Variants in C8orf90 observed in about 807,000 individuals in gnomAD.
The protein encoded by C8orf90 is chromosome 8 open reading frame 90, also known as uncharacterized protein C8orf90.
the C8orf90 span, among the ~76,000 whole-genome samples, chr8:141,516,759 C>T: frequency 6.6e-6 from 1 of 152,208 alleles, no homozygotes; most frequent in Non-Finnish European, 1.5e-5. Flanking sequence ...TCTTCTCCAG[C>T]CTCTGGGCTC....
the C8orf90 span, chr8:141,518,244 C>G: frequency 1.6e-6 from 1 of 629,278 alleles, no homozygotes. Context: ...AGCCCGCCTT[C>G]CCGGACATCT....
chr8:141,518,245 C>A, the C8orf90 span: 1 of 629,468 alleles, frequency 1.6e-6, no homozygotes, highest in Admixed American at 2.6e-5. Flanking sequence ...GCCCGCCTTC[C>A]CGGACATCTA....
At chr8:141,518,410 T>A in the C8orf90 span, 1 of 672,524 alleles carries the variant, frequency 1.5e-6, no homozygotes, top group Non-Finnish European at 2.7e-6. Context: ...CGACCCCGCC[T>A]GCGGGCCGCT....
chr8:141,518,240 C>A, the C8orf90 span: 1 of 623,488 alleles, frequency 1.6e-6, no homozygotes, highest in South Asian at 1.7e-5. Context: ...CCGGAGCCCG[C>A]CTTCCCGGAC....
chr8:141,515,544 A>G, the C8orf90 span, among the ~76,000 whole-genome samples: 2 of 151,550 alleles, frequency 1.3e-5, no homozygotes, highest in African/African-American at 4.9e-5. Context: ...GACAAACTGT[A>G]CCCAAACTGC....
the C8orf90 span, chr8:141,514,849 C>T: frequency 1.0e-5 from 7 of 670,648 alleles, no homozygotes; most frequent in South Asian, 1.1e-4. Flanking sequence ...GGAAGCGGCC[C>T]TCTGACCCAT....
At chr8:141,518,320 G>A in the C8orf90 span, 2,960 of 671,768 alleles carry the variant, frequency 4.4e-3, 17 homozygotes, top group Middle Eastern at 9.9e-3. Flanking sequence ...CCGCGCGCTG[G>A]GCAAGCAGGA....
chr8:141,514,699 G>T, the C8orf90 span: 1 of 701,450 alleles, frequency 1.4e-6, no homozygotes, highest in Non-Finnish European at 2.6e-6. Flanking sequence ...CTGCTGGCAT[G>T]GCCTCCTCTT....
chr8:141,518,262 G>A, the C8orf90 span: 1 of 633,246 alleles, frequency 1.6e-6, no homozygotes, highest in Non-Finnish European at 2.8e-6. Flanking sequence ...TCTACGGCGG[G>A]GACGCGCAGC....
the C8orf90 span, chr8:141,518,228 C>T: frequency 1.7e-6 from 1 of 605,066 alleles, no homozygotes; most frequent in Non-Finnish European, 2.9e-6. Flanking sequence ...CCCGCGGCGC[C>T]CCCGGAGCCC....
chr8:141,515,649 C>T, the C8orf90 span, among the ~76,000 whole-genome samples: 1 of 152,068 alleles, frequency 6.6e-6, no homozygotes, highest in East Asian at 2.0e-4. Context: ...TGGAAGCCCA[C>T]AGTGTCTTCC....
chr8:141,518,544 G>A, the C8orf90 span: 1 of 517,294 alleles, frequency 1.9e-6, no homozygotes, highest in Non-Finnish European at 3.4e-6. Context: ...AGCGGCGCCT[G>A]GAGCGGCTGG....
chr8:141,517,597 C>T, the C8orf90 span, among the ~76,000 whole-genome samples: 3 of 152,170 alleles, frequency 2.0e-5, no homozygotes, highest in Non-Finnish European at 4.4e-5. Context: ...CCTCTGGATT[C>T]CAGGGTCAGC....
the C8orf90 span, chr8:141,518,307 C>T: frequency 4.5e-6 from 3 of 668,466 alleles, no homozygotes; most frequent in South Asian, 1.6e-5. Flanking sequence ...TCGGGCGCGC[C>T]TACCGCGCGC....
the C8orf90 span, among the ~76,000 whole-genome samples, chr8:141,517,930 G>C: frequency 6.6e-6 from 1 of 152,112 alleles, no homozygotes; most frequent in Non-Finnish European, 1.5e-5. Context: ...CCTCGCCATC[G>C]GGAAGGCTCT....
chr8:141,515,311 C>T, the C8orf90 span, among the ~76,000 whole-genome samples: 1 of 116,866 alleles, frequency 8.6e-6, no homozygotes, highest in Non-Finnish European at 1.8e-5. Context: ...TCCATCCATC[C>T]ATCCATCCAT....
chr8:141,516,608 T>C, the C8orf90 span, among the ~76,000 whole-genome samples: 1 of 152,264 alleles, frequency 6.6e-6, no homozygotes, highest in African/African-American at 2.4e-5. Context: ...CCCGAAGCTC[T>C]CTGCTTGCGC....
the C8orf90 span, chr8:141,518,069 T>G: frequency 2.0e-6 from 1 of 507,156 alleles, no homozygotes; most frequent in East Asian, 3.6e-5. Flanking sequence ...GCCCTGGCCA[T>G]CCCCAGCTCT....
the C8orf90 span, among the ~76,000 whole-genome samples, chr8:141,515,022 C>T: frequency 4.9e-4 from 74 of 152,060 alleles, no homozygotes; most frequent in Non-Finnish European, 7.8e-4. Flanking sequence ...GGGGTTGGCT[C>T]TCTTCCTGAA....
Sources: allele counts gnomAD v4.1 joint callset (sites outside exome capture counted in the v4.1 genomes callset), GRCh38; gene constraint gnomAD v4.1.1; transcripts MANE v1.5; gene names NCBI Gene and HGNC (gene_info 2026-07-23, HGNC 2026-07-21).